Variants in TBC1D19 observed in about 807,000 individuals in gnomAD.
The protein encoded by TBC1D19 is TBC1 domain family member 19.
A neutral mutation model predicts 89.0 loss-of-function variants in TBC1D19; 60 were observed. The observed-to-expected ratio is 0.67, with a 90% CI of 0.55 to 0.84. The LOEUF (loss-of-function observed/expected upper bound fraction) is 0.84. TBC1D19 is among the 40% of genes least tolerant of loss of function. The pLI is 0.00. For missense variants in TBC1D19, 500 were observed against 610.8 expected (o/e 0.82, Z 1.91); for synonymous variants, 189 against 199.7 (o/e 0.95, Z 0.45).
At chr4:26,712,596 T>G (rs1484698043) in intron 13 of TBC1D19, among the ~76,000 whole-genome samples, 1 of 152,104 alleles carries the variant, frequency 6.6e-6, no homozygotes, top group Non-Finnish European at 1.5e-5. Flanking sequence ...ATAAGTCACA[T>G]TTTGTGTGAC....
chr4:26,780,588 G>T, the TBC1D19 span, among the ~76,000 whole-genome samples: 4 of 152,206 alleles, frequency 2.6e-5, no homozygotes, highest in Non-Finnish European at 5.9e-5. Flanking sequence ...CCCAAGACCA[G>T]TGTCCCAGCT....
chr4:26,651,339 T>C (rs556874503), intron 7 of TBC1D19, among the ~76,000 whole-genome samples: 2 of 152,340 alleles, frequency 1.3e-5, no homozygotes, highest in African/African-American at 4.8e-5. Flanking sequence ...TGATTCTTCC[T>C]ACCCATGAGC....
chr4:26,663,981 G>A (rs1376944051), intron 8 of TBC1D19, among the ~76,000 whole-genome samples: 2 of 152,172 alleles, frequency 1.3e-5, no homozygotes, highest in Non-Finnish European at 2.9e-5. Context: ...TGGTTATGTG[G>A]AGACAGCTAG....
intron 1 of TBC1D19, among the ~76,000 whole-genome samples, chr4:26,594,743 T>A (rs573962862): frequency 6.6e-6 from 1 of 152,340 alleles, no homozygotes; most frequent in South Asian, 2.1e-4. Flanking sequence ...GTTCTTTGGA[T>A]GTTAATCCGA....
chr4:26,684,983 T>G (rs1335443032), intron 12 of TBC1D19, among the ~76,000 whole-genome samples: 1 of 152,132 alleles, frequency 6.6e-6, no homozygotes, highest in Non-Finnish European at 1.5e-5. Context: ...GCTTTGAAAA[T>G]AACAGAGCTT....
chr4:26,762,720 A>G, the TBC1D19 span, among the ~76,000 whole-genome samples: 1 of 152,214 alleles, frequency 6.6e-6, no homozygotes, highest in Non-Finnish European at 1.5e-5. Context: ...AGGTGGGCCC[A>G]ATGTAATGAC....
chr4:26,787,168 T>G, the TBC1D19 span, among the ~76,000 whole-genome samples: 1 of 147,310 alleles, frequency 6.8e-6, no homozygotes, highest in East Asian at 2.2e-4. Context: ...AGTGGTGCAA[T>G]CTTGGCTCAC....
Position 26,630,286 on chromosome 4 carries a change from A to C in TBC1D19, c.295-6925A>C, listed in dbSNP as rs936804247. 2.6e-5 allele frequency among the ~76,000 whole-genome samples: 4 copies of C among 152,004 alleles called. No homozygotes were observed. In the South Asian group the frequency reaches 8.3e-4, roughly 32 times the overall value. On this transcript the variant is annotated intron_variant, in intron 4 of 20. Transcript: ENST00000264866. ...GGAAATTTACTTGAAGGCAACAATA[A>C]TTTCATTTAGAGAGGATATAGGTTT...
At chr4:26,691,494 A>G (rs183517747) in intron 13 of TBC1D19, among the ~76,000 whole-genome samples, 53 of 152,338 alleles carry the variant, frequency 3.5e-4, no homozygotes, top group African/African-American at 5.8e-4. Flanking sequence ...TTCAGCAGCC[A>G]CCACCCTGGA....
chr4:26,612,628 C>A (rs1057282838), intron 1 of TBC1D19, among the ~76,000 whole-genome samples: 2 of 151,842 alleles, frequency 1.3e-5, no homozygotes, highest in Non-Finnish European at 2.9e-5. Flanking sequence ...TGTGAAAAAC[C>A]AGTAGAATAG....
At chr4:26,700,139 T>A (rs1465446534) in intron 13 of TBC1D19, among the ~76,000 whole-genome samples, 1 of 151,950 alleles carries the variant, frequency 6.6e-6, no homozygotes, top group Non-Finnish European at 1.5e-5. Flanking sequence ...CCAACAAATT[T>A]ATAATAGGAC....
intron 15 of TBC1D19, among the ~76,000 whole-genome samples, chr4:26,723,665 T>C (rs1200414618): frequency 6.6e-6 from 1 of 152,214 alleles, no homozygotes; most frequent in African/African-American, 2.4e-5. Context: ...ATTTCTGAAC[T>C]AAGGGAGACT....
chr4:26,752,987 T>C (rs1719058018), intron 19 of TBC1D19, among the ~76,000 whole-genome samples: 1 of 152,160 alleles, frequency 6.6e-6, no homozygotes, highest in Non-Finnish European at 1.5e-5. Context: ...TTAATGTATA[T>C]TATTGACCTT....
intron 1 of TBC1D19, among the ~76,000 whole-genome samples, chr4:26,602,594 C>T (rs967047219): frequency 1.3e-5 from 2 of 152,010 alleles, no homozygotes; most frequent in Admixed American, 1.3e-4. Flanking sequence ...GCGCCCGCCA[C>T]CATGCCCAAC....
the TBC1D19 span, among the ~76,000 whole-genome samples, chr4:26,840,296 G>T: frequency 6.6e-6 from 1 of 152,072 alleles, no homozygotes; most frequent in Non-Finnish European, 1.5e-5. Flanking sequence ...TGGCCAGGAT[G>T]GTCTCAAACT....
At chr4:26,603,177 T>A (rs1740746564) in intron 1 of TBC1D19, among the ~76,000 whole-genome samples, 1 of 152,226 alleles carries the variant, frequency 6.6e-6, no homozygotes, top group South Asian at 2.1e-4. Context: ...GCAAAACTTG[T>A]CTCTGCCACT....
At chr4:26,804,829 A>T in the TBC1D19 span, among the ~76,000 whole-genome samples, 1 of 152,212 alleles carries the variant, frequency 6.6e-6, no homozygotes, top group Non-Finnish European at 1.5e-5. Flanking sequence ...TTTTATTTAG[A>T]AAGGTTGAAG....
At chr4:26,817,803 A>T in the TBC1D19 span, among the ~76,000 whole-genome samples, 1 of 151,758 alleles carries the variant, frequency 6.6e-6, no homozygotes, top group African/African-American at 2.4e-5. Context: ...CCCCGTCTCA[A>T]CTAAAAATAC....
the TBC1D19 span, among the ~76,000 whole-genome samples, chr4:26,844,170 A>G: frequency 6.6e-6 from 1 of 152,192 alleles, no homozygotes; most frequent in Non-Finnish European, 1.5e-5. Flanking sequence ...AGGCTAAAAC[A>G]TCTGAAGTGT....
Sources: allele counts gnomAD v4.1 joint callset (sites outside exome capture counted in the v4.1 genomes callset), GRCh38; gene constraint gnomAD v4.1.1; transcripts MANE v1.5; gene names NCBI Gene and HGNC (gene_info 2026-07-23, HGNC 2026-07-21).